Variants in RALGAPA2 observed in about 807,000 individuals in gnomAD.
RALGAPA2 encodes the protein Ral GTPase activating protein catalytic subunit alpha 2.
In RALGAPA2, 139 loss-of-function variants were observed where a neutral mutation model predicts 230.4. The observed-to-expected ratio is 0.60, with a 90% CI of 0.53 to 0.69. The LOEUF is 0.69. Among genes scored for constraint, RALGAPA2 ranks in the 30% least tolerant of loss-of-function variants. The pLI is 0.00. For synonymous variants in RALGAPA2, 847 were observed against 837.8 expected, an observed-to-expected ratio of 1.01 and a Z score of -0.19; for missense variants, 2,163 against 2,276.0, an observed-to-expected ratio of 0.95 and a Z score of 1.01.
At chr20:20,475,970 T>A (rs1165019313) in intron 36 of RALGAPA2, among the ~76,000 whole-genome samples, 1 of 152,164 alleles carries the variant, frequency 6.6e-6, no homozygotes, top group Admixed American at 6.5e-5. Flanking sequence ...GGAAAAGACA[T>A]GTAAAAATGT....
intron 4 of RALGAPA2, among the ~76,000 whole-genome samples, chr20:20,645,366 G>A (rs561456795): frequency 2.6e-5 from 4 of 151,866 alleles, no homozygotes; most frequent in South Asian, 4.2e-4. Flanking sequence ...CACCCGCCTC[G>A]GCCTCCCAAA....
At chr20:20,448,806 T>C (rs552926831) in intron 37 of RALGAPA2, among the ~76,000 whole-genome samples, 29 of 151,700 alleles carry the variant, frequency 1.9e-4, no homozygotes, top group African/African-American at 7.0e-4. Flanking sequence ...AGAGAATGAC[T>C]ATGAAAACTG....
chr20:20,601,111 AAAGAG>A (rs1191188540), intron 16 of RALGAPA2, among the ~76,000 whole-genome samples: 1 of 152,156 alleles, frequency 6.6e-6, no homozygotes, highest in African/African-American at 2.4e-5. Flanking sequence ...AAAAAAAAGA[AAAGAG>A]AAGAGAAGAA....
chr20:20,458,881 C>CCTATATATATATATAG (rs2061234947), intron 37 of RALGAPA2, among the ~76,000 whole-genome samples: 2 of 12,892 alleles, frequency 1.6e-4, no homozygotes, highest in African/African-American at 7.4e-4. Context: ...TATATACACA[C>CCTATATATATATATAG]ACACAAATAA....
chr20:20,514,404 C>T (rs2062809789), intron 31 of RALGAPA2, among the ~76,000 whole-genome samples: 1 of 152,164 alleles, frequency 6.6e-6, no homozygotes, highest in South Asian at 2.1e-4. Flanking sequence ...GCACTGAGAG[C>T]TCCTGCTTGC....
At chr20:20,412,549 T>C (rs2060083278) in intron 37 of RALGAPA2, among the ~76,000 whole-genome samples, 1 of 152,218 alleles carries the variant, frequency 6.6e-6, no homozygotes. Context: ...TATGAGTTGA[T>C]ACTTCAAGCA....
At chr20:20,526,769 T>G (rs752217800) in intron 27 of RALGAPA2, among the ~76,000 whole-genome samples, 11 of 152,226 alleles carry the variant, frequency 7.2e-5, no homozygotes, top group Non-Finnish European at 1.5e-4. Flanking sequence ...CTGACAGCTC[T>G]GCAAGGTAGA....
At chr20:20,616,637 TG>T (rs1367173529) in intron 12 of RALGAPA2, among the ~76,000 whole-genome samples, 2 of 152,148 alleles carry the variant, frequency 1.3e-5, no homozygotes, top group African/African-American at 4.8e-5. Context: ...TGATTCTTAT[TG>T]AGTCTCCCAG....
chr20:20,496,357 C>T lies in RALGAPA2; in HGVS notation c.5209-1082G>A, dbSNP rs188104594. On this transcript the variant is annotated intron_variant, in intron 35 of 39. Coordinates refer to ENST00000202677, the MANE Select transcript of RALGAPA2 (RefSeq NM_020343.4). Reference sequence around the variant, plus strand: ...ATCTCAAGCTGGAGAAAGCTGCACACGAAATCATTTAAGTGACAAAGAATC... The same window carrying T: ...ATCTCAAGCTGGAGAAAGCTGCACATGAAATCATTTAAGTGACAAAGAATC... 1.4e-3 allele frequency among the ~76,000 whole-genome samples: 208 copies of T among 152,114 alleles called. 2 individuals are homozygous for T. The highest frequency in any genetic ancestry group is 4.4e-3 in the African/African-American group (184 of 41,476).
Position 20,521,073 on chromosome 20 carries a change from T to C in RALGAPA2, c.3928A>G (p.Ser1310Gly), listed in dbSNP as rs1358737534. The stretch of plus-strand genomic sequence containing the variant: ...TAGTGACTCTGTTGGGTGTACGTGC[T>C]TGAGCCACACACACAGCAGTGCAAA... ...RVLHCCVCGS[S>G]TYTQQSHYIL... Residue 1310 changes from serine to glycine, a missense_variant, in exon 31 of 40, where the codon AGC (serine) becomes GGC (glycine). Ser to Gly is a moderately conservative substitution (Grantham distance 56). Coordinates refer to ENST00000202677, the MANE Select transcript of RALGAPA2 (RefSeq NM_020343.4). 3.7e-6 allele frequency: 6 copies of C among 1,612,984 alleles called. No homozygotes were observed. The highest frequency in any genetic ancestry group is 5.1e-6 in the Non-Finnish European group (6 of 1,179,250).
Position 20,536,650 on chromosome 20 carries a change from A to G in RALGAPA2, c.3414+6T>C. On this transcript the variant is annotated splice_donor_region_variant and intron_variant, in intron 25 of 39. Transcript: ENST00000202677. The stretch of plus-strand genomic sequence containing the variant: ...AACTTGAGATACAGTCAAATGCGTT[A>G]TGTACCTTGACATCTTCAGTTCCTG... 1 of 1,611,244 alleles carries G rather than the reference A, an allele frequency of 6.2e-7. No homozygotes were observed. Among genetic ancestry groups the G allele is most frequent in the Non-Finnish European group, 8.5e-7 (1 of 1,177,888 alleles).
chr20:20,448,061 T>C (rs2060903876), intron 37 of RALGAPA2, among the ~76,000 whole-genome samples: 1 of 152,230 alleles, frequency 6.6e-6, no homozygotes, highest in African/African-American at 2.4e-5. Flanking sequence ...TGTATTAACT[T>C]TATAATGGCT....
chr20:20,608,696 A>G (rs2065894166), intron 14 of RALGAPA2, among the ~76,000 whole-genome samples: 2 of 152,194 alleles, frequency 1.3e-5, no homozygotes, highest in South Asian at 4.1e-4. Context: ...GATGATGCCC[A>G]ATAGAGAGCC....
rs538038651 is a variant in RALGAPA2 at position 20,404,569 on chromosome 20, G to A, written c.5617+7458C>T. Among the ~76,000 whole-genome samples, 17 of 152,316 alleles carry A rather than the reference G, an allele frequency of 1.1e-4. No homozygotes were observed. The East Asian group carries it at 3.3e-3, about 29-fold the overall frequency. On this transcript the variant is annotated intron_variant, in intron 38 of 39. Transcript: ENST00000202677. ...TTGAGGGCCAGTCACGATTCACAAG[G>A]AATGTGAACCCGGGGTGTCGGGAGC...
intron 31 of RALGAPA2, among the ~76,000 whole-genome samples, chr20:20,515,382 C>CT (rs2145387857): frequency 6.6e-6 from 1 of 152,324 alleles, no homozygotes; most frequent in East Asian, 1.9e-4. Flanking sequence ...ACACTGTGAA[C>CT]TTTTTTCCAA....
intron 37 of RALGAPA2, among the ~76,000 whole-genome samples, chr20:20,434,902 C>T (rs1006046221): frequency 9.2e-5 from 14 of 152,186 alleles, no homozygotes; most frequent in Admixed American, 9.2e-4. Context: ...CACCACTGCA[C>T]TCTAGCGTGG....
At chr20:20,657,419 A>G (rs1378517946) in intron 3 of RALGAPA2, among the ~76,000 whole-genome samples, 1 of 152,254 alleles carries the variant, frequency 6.6e-6, no homozygotes, top group Non-Finnish European at 1.5e-5. Context: ...GTAGCTGGGC[A>G]GCACATTCTT....
At chr20:20,431,996 G>A (rs1053238338) in intron 37 of RALGAPA2, among the ~76,000 whole-genome samples, 1 of 152,102 alleles carries the variant, frequency 6.6e-6, no homozygotes, top group African/African-American at 2.4e-5. Context: ...GAGATAAATG[G>A]GTTATACATC....
intron 24 of RALGAPA2, among the ~76,000 whole-genome samples, chr20:20,538,429 G>C (rs926902739): frequency 2.0e-5 from 3 of 152,170 alleles, no homozygotes; most frequent in African/African-American, 7.2e-5. Context: ...GTCAGAAGCA[G>C]TCGTTCCCAA....
Sources: gnomAD v4.1 joint callset for allele counts (sites outside exome capture counted in the v4.1 genomes callset) on GRCh38, gnomAD v4.1.1 for gene constraint, MANE v1.5 for transcripts, NCBI Gene and HGNC (gene_info 2026-07-23, HGNC 2026-07-21) for gene names.